EPHA6: variants seen among roughly 807,000 people sequenced by gnomAD.
EPHA6 encodes EPH receptor A6, also known as ephrin type-A receptor 6.
EPHA6 carries 50 observed loss-of-function variants against 112.0 expected under a neutral mutation model. The ratio of observed to expected loss-of-function variants is 0.45; its 90% confidence interval spans 0.36 to 0.56. The LOEUF is 0.56. Ranked by LOEUF, EPHA6 falls within the 20% of genes least tolerant of loss-of-function variation. The pLI is 0.00. For missense variants in EPHA6, 1,280 were observed against 1,417.4 expected (o/e 0.90, Z 1.56); for synonymous variants, 529 against 490.7 (o/e 1.08, Z -1.03).
chr3:97,292,874 G>T (rs528365884), intron 5 of EPHA6, among the ~76,000 whole-genome samples: 2 of 151,464 alleles, frequency 1.3e-5, no homozygotes, highest in African/African-American at 4.8e-5. Context: ...CCCTCAGGCA[G>T]GTCATCTCAG....
At chr3:97,427,531 C>T (rs2089223697) in intron 6 of EPHA6, among the ~76,000 whole-genome samples, 2 of 151,962 alleles carry the variant, frequency 1.3e-5, no homozygotes, top group African/African-American at 2.4e-5. Context: ...ACACTGGGGC[C>T]TACTGGAGGG....
intron 6 of EPHA6, among the ~76,000 whole-genome samples, chr3:97,409,206 A>C (rs1263066943): frequency 1.3e-5 from 2 of 152,102 alleles, no homozygotes; most frequent in Non-Finnish European, 1.5e-5. Flanking sequence ...AGCTGAGAGA[A>C]CATTCTGTTA....
chr3:96,839,502 C>A (rs1022386558), intron 1 of EPHA6, among the ~76,000 whole-genome samples: 2 of 151,900 alleles, frequency 1.3e-5, no homozygotes, highest in African/African-American at 4.8e-5. Context: ...GTTTGAGGAC[C>A]GCTGCCCTAA....
intron 11 of EPHA6, among the ~76,000 whole-genome samples, chr3:97,579,499 A>G (rs1447107990): frequency 6.6e-6 from 1 of 152,174 alleles, no homozygotes; most frequent in Non-Finnish European, 1.5e-5. Flanking sequence ...CCAGCACACT[A>G]AATGTGCCTC....
intron 5 of EPHA6, among the ~76,000 whole-genome samples, chr3:97,258,307 A>G (rs375030095): frequency 8.6e-5 from 13 of 152,018 alleles, no homozygotes; most frequent in South Asian, 2.1e-4. Context: ...ACACACGCAC[A>G]GAGTATCTGT....
chr3:97,207,563 A>T (rs2077747317), intron 3 of EPHA6, among the ~76,000 whole-genome samples: 1 of 152,152 alleles, frequency 6.6e-6, no homozygotes, highest in Non-Finnish European at 1.5e-5. Context: ...AATTTATGGA[A>T]ATTTGATATG....
At chr3:97,224,368 G>C (rs908082586) in intron 3 of EPHA6, among the ~76,000 whole-genome samples, 1 of 152,146 alleles carries the variant, frequency 6.6e-6, no homozygotes, top group African/African-American at 2.4e-5. Flanking sequence ...CTTAGGAGAT[G>C]TTCTAAGCAT....
rs186132737 is a variant in EPHA6, at chr3:97,107,406, T to C, written c.1115-118858T>C. On this transcript the variant is annotated intron_variant, in intron 3 of 17. Coordinates refer to ENST00000389672, the MANE Select transcript of EPHA6 (RefSeq NM_001080448.3). ...ACAATGTCTGTTTATACTTTTGTTA[T>C]ACATCACTTTCCTCATTTCATTTCT... Among the ~76,000 whole-genome samples the C allele has an allele frequency of 1.5e-3, 230 of 152,274 alleles. 1 individual carries two copies. The highest frequency in any genetic ancestry group is 5.1e-3 in the African/African-American group (214 of 41,572).
Position 97,479,024 on chromosome 3 carries a change from G to A in EPHA6, c.2004-270G>A, listed in dbSNP as rs1042769556. 6.6e-5 allele frequency among the ~76,000 whole-genome samples: 10 copies of A among 152,140 alleles called. No individual in the cohort carries two copies. The South Asian group carries it at 1.7e-3, about 25-fold the overall frequency. ...TTCTTTTTACCAACTCTAGCTATTA[G>A]TAGTCATGTAAGGGATGGTTATGGC... On this transcript the variant is annotated intron_variant, in intron 8 of 17. Coordinates refer to ENST00000389672, the MANE Select transcript of EPHA6 (RefSeq NM_001080448.3).
intron 1 of EPHA6, among the ~76,000 whole-genome samples, chr3:96,840,186 C>G (rs976000474): frequency 1.3e-5 from 2 of 151,844 alleles, no homozygotes; most frequent in African/African-American, 4.8e-5. Flanking sequence ...GTACCATGTA[C>G]CTGAAAGTTG....
chr3:97,016,224 G>C (rs893493691), intron 3 of EPHA6, among the ~76,000 whole-genome samples: 1 of 152,084 alleles, frequency 6.6e-6, no homozygotes, highest in African/African-American at 2.4e-5. Flanking sequence ...AATTCCACAA[G>C]TTTCTGGTAA....
chr3:96,930,496 T>G (rs760755200), intron 2 of EPHA6, among the ~76,000 whole-genome samples: 17 of 152,182 alleles, frequency 1.1e-4, no homozygotes, highest in South Asian at 1.0e-3. Flanking sequence ...TATACCAAGG[T>G]TGCCTTAGAT....
chr3:97,646,202 C>T, intron 14 of EPHA6: 6 of 1,535,642 alleles, frequency 3.9e-6, no homozygotes, highest in Non-Finnish European at 5.2e-6. Flanking sequence ...GCGAGTCCAG[C>T]TCTGGTTATG....
intron 1 of EPHA6, among the ~76,000 whole-genome samples, chr3:96,859,149 A>G (rs1320132733): frequency 6.6e-6 from 1 of 152,004 alleles, no homozygotes; most frequent in Non-Finnish European, 1.5e-5. Flanking sequence ...TTCAACAGAT[A>G]CCCACAAACA....
chr3:97,478,980 T>C (rs1431857267), intron 8 of EPHA6, among the ~76,000 whole-genome samples: 1 of 152,162 alleles, frequency 6.6e-6, no homozygotes, highest in Non-Finnish European at 1.5e-5. Flanking sequence ...AAATGCTTTT[T>C]TTATTTTGAC....
chr3:97,453,942 T>A (rs748904127), intron 7 of EPHA6, among the ~76,000 whole-genome samples: 9 of 151,794 alleles, frequency 5.9e-5, no homozygotes, highest in Non-Finnish European at 1.0e-4. Flanking sequence ...TTGAATAGAA[T>A]GTGAATTTCT....
chr3:96,960,121 C>G (rs2041904366), intron 2 of EPHA6, among the ~76,000 whole-genome samples: 2 of 152,038 alleles, frequency 1.3e-5, no homozygotes, highest in African/African-American at 4.8e-5. Flanking sequence ...GGCAAATGAG[C>G]TGGTGTATTT....
intron 2 of EPHA6, among the ~76,000 whole-genome samples, chr3:96,926,402 C>G (rs1348058909): frequency 6.6e-6 from 1 of 152,152 alleles, no homozygotes; most frequent in African/African-American, 2.4e-5. Context: ...CCCCTGCCCC[C>G]CAACAAATCT....
intron 11 of EPHA6, among the ~76,000 whole-genome samples, chr3:97,551,941 T>A (rs2093034608): frequency 6.6e-6 from 1 of 152,196 alleles, no homozygotes; most frequent in South Asian, 2.1e-4. Flanking sequence ...TTTCTTAGCT[T>A]GTTCCCCAAA....
Sources: allele counts gnomAD v4.1 joint callset (sites outside exome capture counted in the v4.1 genomes callset), GRCh38; gene constraint gnomAD v4.1.1; transcripts MANE v1.5; gene names NCBI Gene and HGNC (gene_info 2026-07-23, HGNC 2026-07-21).